LAMA2: variants seen among roughly 807,000 people sequenced by gnomAD.
The protein encoded by LAMA2 is laminin subunit alpha 2.
In LAMA2, 269 loss-of-function variants were observed where a neutral mutation model predicts 364.8. The observed-to-expected ratio is 0.74, with a 90% CI of 0.67 to 0.82. The LOEUF is 0.82. LAMA2 is among the 40% of genes least tolerant of loss of function. The pLI is 0.00. For synonymous variants in LAMA2, 1,379 were observed against 1,370.6 expected, an observed-to-expected ratio of 1.01 and a Z score of -0.14; for missense variants, 3,807 against 3,873.2, an observed-to-expected ratio of 0.98 and a Z score of 0.45.
chr6:128,993,386 C>T (rs1036332631), intron 1 of LAMA2, among the ~76,000 whole-genome samples: 3 of 151,648 alleles, frequency 2.0e-5, no homozygotes, highest in Non-Finnish European at 2.9e-5. Context: ...CTAGGCAACC[C>T]GAGGGGATGG....
Position 129,195,009 on chromosome 6 carries a change from G to A in LAMA2, c.1782+2156G>A, listed in dbSNP as rs534619144. Among the ~76,000 whole-genome samples the A allele has an allele frequency of 1.5e-4, 23 of 152,248 alleles. No homozygotes were observed. In the South Asian group the frequency reaches 1.9e-3, roughly 12 times the overall value. ...ATTGCCAGAATCTGACAGAAATAGCGTATCAAGATACAAGTGCATCTGCTT... is the reference window on the plus strand; with the variant it reads ...ATTGCCAGAATCTGACAGAAATAGCATATCAAGATACAAGTGCATCTGCTT... On this transcript the variant is annotated intron_variant, in intron 12 of 64. Transcript: ENST00000421865.
intron 1 of LAMA2, among the ~76,000 whole-genome samples, chr6:129,013,699 GCTTT>G (rs1784907258): frequency 6.6e-6 from 1 of 152,002 alleles, no homozygotes. Flanking sequence ...TAGAGATGCA[GCTTT>G]CTTCTCACAT....
chr6:129,269,335 T>A (rs1489104743), intron 16 of LAMA2, among the ~76,000 whole-genome samples: 1 of 150,356 alleles, frequency 6.7e-6, no homozygotes, highest in Admixed American at 6.7e-5. Context: ...CCTGTAAAAA[T>A]AACCAATCCA....
intron 32 of LAMA2, among the ~76,000 whole-genome samples, chr6:129,365,864 A>G (rs545512964): frequency 5.3e-5 from 8 of 152,226 alleles, no homozygotes; most frequent in South Asian, 4.2e-4. Flanking sequence ...TCGATTGCTC[A>G]TGTAGGGATT....
At chr6:128,893,706 A>G in intron 1 of LAMA2, among the ~76,000 whole-genome samples, 1 of 152,000 alleles carries the variant, frequency 6.6e-6, no homozygotes, top group Non-Finnish European at 1.5e-5. Flanking sequence ...CTTAAAAATA[A>G]TTGAAACTTT....
chr6:128,906,467 CT>C (rs1777477424), intron 1 of LAMA2, among the ~76,000 whole-genome samples: 1 of 116,244 alleles, frequency 8.6e-6, no homozygotes, highest in Non-Finnish European at 1.7e-5. Flanking sequence ...CCTTCGCCCA[CT>C]TTTTGATGGG....
At chr6:129,355,144 A>G (rs1367447150) in intron 32 of LAMA2, among the ~76,000 whole-genome samples, 1 of 151,954 alleles carries the variant, frequency 6.6e-6, no homozygotes, top group Non-Finnish European at 1.5e-5. Flanking sequence ...TGATATCTAG[A>G]CTCTTTTGCT....
chr6:129,281,115 T>G (rs1013634772), intron 18 of LAMA2, among the ~76,000 whole-genome samples: 3 of 152,060 alleles, frequency 2.0e-5, no homozygotes, highest in African/African-American at 7.2e-5. Flanking sequence ...CAAGTACTAT[T>G]TGTGAGTATG....
intron 1 of LAMA2, among the ~76,000 whole-genome samples, chr6:128,921,692 T>C (rs1778725645): frequency 7.0e-6 from 1 of 143,220 alleles, no homozygotes. Flanking sequence ...GTGAAATGAA[T>C]GTCTGTTTTT....
intron 1 of LAMA2, among the ~76,000 whole-genome samples, chr6:128,943,980 G>A (rs7758182): frequency 0.13 from 19,377 of 152,128 alleles, 1,551 homozygotes; most frequent in African/African-American, 0.23. Context: ...CTGTTATGAT[G>A]CAATTAATTG....
chr6:129,445,711 G>T lies in LAMA2; in HGVS notation c.6319G>T (p.Asp2107Tyr). Residue 2107 changes from aspartate (D) to tyrosine (Y), a missense_variant, in exon 45 of 65, where the codon GAC becomes TAC. Transcript: ENST00000421865. ...ATVKNLEQEADRLIDKLKPIK... is the reference protein window; with the variant it reads ...ATVKNLEQEAYRLIDKLKPIK... ...TGTCAAAAATTTAGAACAGGAAGCT[G>T]ACCGGCTAATAGATAAACTCAAACC... The T allele has an allele frequency of 6.2e-7, 1 of 1,613,890 alleles. No homozygotes were observed.
chr6:129,121,878 T>C (rs7751112), intron 4 of LAMA2, among the ~76,000 whole-genome samples: 39,419 of 151,954 alleles, frequency 0.26, 5,969 homozygotes, highest in African/African-American at 0.43. Flanking sequence ...TTACCTAAAA[T>C]CCCAAATCTT....
chr6:129,238,688 T>C (rs1785183418), intron 12 of LAMA2, among the ~76,000 whole-genome samples: 1 of 151,966 alleles, frequency 6.6e-6, no homozygotes, highest in African/African-American at 2.4e-5. Flanking sequence ...ATCACCAAAG[T>C]AACAGTGTGA....
At chr6:129,181,690 G>A (rs1467715783) in intron 10 of LAMA2, among the ~76,000 whole-genome samples, 4 of 151,788 alleles carry the variant, frequency 2.6e-5, no homozygotes, top group Non-Finnish European at 5.9e-5. Flanking sequence ...TAAATATGAT[G>A]CTAACTGACT....
rs202247792 is a variant in LAMA2, at chr6:129,486,605, T to G, written c.7881T>G (p.His2627Gln). The change falls in exon 56 of 65, where the codon CAT becomes CAG. Residue 2627 changes from histidine (H) to glutamine (Q), a missense_variant. By Grantham distance (24) the His-to-Gln change is conservative. Transcript: ENST00000421865. ...LFHDGREHSVHVERTRGIFTV... is the reference protein window; with the variant it reads ...LFHDGREHSVQVERTRGIFTV... The stretch of plus-strand genomic sequence containing the variant: ...ATGATGGAAGAGAACATTCCGTTCA[T>G]GTAGAGCGAACTAGAGGGTAACAAT... The G allele has an allele frequency of 2.5e-6, 4 of 1,613,950 alleles. No homozygotes were observed. In the South Asian group the frequency reaches 4.4e-5, roughly 18 times the overall value.
chr6:129,428,564 C>T (rs896140439), intron 41 of LAMA2, among the ~76,000 whole-genome samples: 27 of 152,286 alleles, frequency 1.8e-4, no homozygotes, highest in African/African-American at 6.3e-4. Flanking sequence ...AAGTGATTGT[C>T]CTGCCTCATA....
intron 1 of LAMA2, among the ~76,000 whole-genome samples, chr6:128,901,901 T>A (rs1777107048): frequency 1.3e-5 from 2 of 152,232 alleles, no homozygotes; most frequent in African/African-American, 4.8e-5. Flanking sequence ...CCAAGTGTAT[T>A]AGTCTGTTCT....
At chr6:129,052,151 T>G (rs1372191219) in intron 2 of LAMA2, among the ~76,000 whole-genome samples, 2 of 150,758 alleles carry the variant, frequency 1.3e-5, no homozygotes, top group African/African-American at 4.9e-5. Context: ...TTTTTTTTTT[T>G]TTTAGGCAGA....
chr6:129,472,433 T>C (rs572895406), intron 51 of LAMA2, among the ~76,000 whole-genome samples: 1 of 152,072 alleles, frequency 6.6e-6, no homozygotes, highest in African/African-American at 2.4e-5. Flanking sequence ...AAAGCCTAGC[T>C]TGACCCCTAA....
Sources: gnomAD v4.1 joint callset for allele counts (sites outside exome capture counted in the v4.1 genomes callset) on GRCh38, gnomAD v4.1.1 for gene constraint, MANE v1.5 for transcripts, NCBI Gene and HGNC (gene_info 2026-07-23, HGNC 2026-07-21) for gene names.